ADK: variants seen among roughly 807,000 people sequenced by gnomAD.
ADK encodes the protein adenosine kinase.
ADK carries 24 observed loss-of-function variants against 44.7 expected under a neutral mutation model. The ratio of observed to expected loss-of-function variants is 0.54; its 90% confidence interval spans 0.39 to 0.76. The LOEUF (loss-of-function observed/expected upper bound fraction) is 0.76, where lower values mean the gene tolerates loss of function less well. Among genes scored for constraint, ADK ranks in the 30% least tolerant of loss-of-function variants. ADK has a pLI of 0.00. For missense variants in ADK, 321 were observed against 425.1 expected (o/e 0.76, Z 2.15); for synonymous variants, 128 against 142.6 (o/e 0.90, Z 0.73).
intron 1 of ADK, among the ~76,000 whole-genome samples, chr10:74,178,452 C>A (rs1321801168): frequency 1.3e-5 from 2 of 152,130 alleles, no homozygotes; most frequent in Non-Finnish European, 2.9e-5. Flanking sequence ...CTTCCCATTC[C>A]CACTCTTATT....
At chr10:74,566,316 C>T (rs1850667517) in intron 7 of ADK, among the ~76,000 whole-genome samples, 1 of 150,624 alleles carries the variant, frequency 6.6e-6, no homozygotes, top group Non-Finnish European at 1.5e-5. Flanking sequence ...AAGTAATCCT[C>T]CCACCTCAGC....
chr10:74,553,416 G>T (rs534383541), intron 7 of ADK, among the ~76,000 whole-genome samples: 1 of 151,870 alleles, frequency 6.6e-6, no homozygotes, highest in Non-Finnish European at 1.5e-5. Flanking sequence ...GGCCAGGATG[G>T]TCTCGATCTC....
chr10:74,310,188 G>A (rs1326713223), intron 3 of ADK, among the ~76,000 whole-genome samples: 1 of 152,020 alleles, frequency 6.6e-6, no homozygotes, highest in Non-Finnish European at 1.5e-5. Flanking sequence ...GAGAAAGTAA[G>A]AAGGAATCTA....
At position 74,347,106 on chromosome 10, in the gene ADK, C is replaced by CAAAAAA. The variant is rs58074760; in HGVS notation, c.273+32392_273+32397dup. On this transcript the variant is annotated intron_variant, in intron 4 of 10. Coordinates refer to ENST00000539909, the MANE Select transcript of ADK (RefSeq NM_006721.4). ...TGGGCGACAGAGCGACACTCTGTCT[C>CAAAAAA]AAAAAAAAAAAAAAAAAAAAAAAAA... Among the ~76,000 whole-genome samples, 27 of 92,298 alleles carry CAAAAAA rather than the reference C, an allele frequency of 2.9e-4. 1 individual carries two copies. The highest frequency in any genetic ancestry group is 1.6e-3 in the African/African-American group (23 of 14,574). 60.6% of individuals were successfully genotyped at this position (92,298 alleles called of 152,430 possible).
chr10:74,620,865 G>T lies in ADK; in HGVS notation c.877+20372G>T, dbSNP rs368180182. 1.1e-4 allele frequency among the ~76,000 whole-genome samples: 17 copies of T among 151,976 alleles called. No individual in the cohort carries two copies. The East Asian group carries it at 1.9e-3, about 17-fold the overall frequency. On this transcript the variant is annotated intron_variant, in intron 9 of 10. Coordinates refer to ENST00000539909, the MANE Select transcript of ADK (RefSeq NM_006721.4). ...TGAGAAATGCCTGTTCAGGTCATTTGCCCTTTTTTAAAACAGAGTAGAGTT... is the reference window on the plus strand; with the variant it reads ...TGAGAAATGCCTGTTCAGGTCATTTTCCCTTTTTTAAAACAGAGTAGAGTT...
intron 7 of ADK, among the ~76,000 whole-genome samples, chr10:74,549,821 G>T (rs567256900): frequency 6.6e-6 from 1 of 152,100 alleles, no homozygotes; most frequent in African/African-American, 2.4e-5. Flanking sequence ...ATACACAGGC[G>T]TTAATTATTG....
At chr10:74,420,536 TA>T (rs1300116058) in intron 6 of ADK, among the ~76,000 whole-genome samples, 12 of 152,170 alleles carry the variant, frequency 7.9e-5, no homozygotes, top group Non-Finnish European at 1.8e-4. Context: ...AAATTCAAAA[TA>T]TTTTTATGAC....
At position 74,674,738 on chromosome 10, in the gene ADK, C is replaced by T. The variant is rs746027642; in HGVS notation, c.964+4469C>T. The stretch of plus-strand genomic sequence containing the variant: ...CTCTACTAAAAATAGAAAAATTAGC[C>T]GGGCATGGCGTTGCATGCCTGAAGT... On this transcript the variant is annotated intron_variant, in intron 10 of 10. Coordinates refer to ENST00000539909, the MANE Select transcript of ADK (RefSeq NM_006721.4). Among the ~76,000 whole-genome samples the T allele has an allele frequency of 5.9e-5, 9 of 152,062 alleles. No homozygotes were observed. The South Asian group carries it at 6.2e-4, about 11-fold the overall frequency.
chr10:74,187,900 G>A (rs1334357630), intron 1 of ADK, among the ~76,000 whole-genome samples: 1 of 152,078 alleles, frequency 6.6e-6, no homozygotes, highest in Non-Finnish European at 1.5e-5. Context: ...TTATGTCAAT[G>A]CCACACTGTC....
chr10:74,633,776 G>A (rs1853522421), intron 9 of ADK, among the ~76,000 whole-genome samples: 1 of 152,190 alleles, frequency 6.6e-6, no homozygotes, highest in Admixed American at 6.5e-5. Flanking sequence ...GGAGGAGAAT[G>A]GCCTTGAGTA....
intron 6 of ADK, among the ~76,000 whole-genome samples, chr10:74,462,677 C>A (rs1846213419): frequency 6.6e-6 from 1 of 152,154 alleles, no homozygotes; most frequent in Non-Finnish European, 1.5e-5. Context: ...TACTTTAACT[C>A]ATATTTGCTG....
intron 3 of ADK, among the ~76,000 whole-genome samples, chr10:74,292,884 C>T (rs1839670409): frequency 6.6e-6 from 1 of 152,108 alleles, no homozygotes; most frequent in African/African-American, 2.4e-5. Flanking sequence ...CCTTCAATAT[C>T]TTGTCAGCAC....
intron 3 of ADK, among the ~76,000 whole-genome samples, chr10:74,229,391 CTTTTTTTTT>C (rs371346131): frequency 9.3e-5 from 9 of 97,240 alleles, no homozygotes; most frequent in African/African-American, 3.0e-4. Context: ...ATCTGGTATG[CTTTTTTTTT>C]TTTTTTTTTT....
intron 1 of ADK, among the ~76,000 whole-genome samples, chr10:74,163,218 G>A (rs1841951484): frequency 6.6e-6 from 1 of 152,200 alleles, no homozygotes; most frequent in South Asian, 2.1e-4. Context: ...CATCCGCCTC[G>A]GCCTCCCAAA....
At chr10:74,696,428 C>T (rs896337029) in intron 10 of ADK, among the ~76,000 whole-genome samples, 6 of 151,676 alleles carry the variant, frequency 4.0e-5, no homozygotes, top group Admixed American at 2.6e-4. Flanking sequence ...TTCAGTGGCC[C>T]GATCTCGGCT....
chr10:74,596,765 T>G (rs1851939956), intron 8 of ADK, among the ~76,000 whole-genome samples: 1 of 152,168 alleles, frequency 6.6e-6, no homozygotes, highest in African/African-American at 2.4e-5. Flanking sequence ...CAGGCTAGTC[T>G]CAAACTCCTA....
At chr10:74,577,032 T>A (rs542317804) in intron 7 of ADK, among the ~76,000 whole-genome samples, 1 of 152,078 alleles carries the variant, frequency 6.6e-6, no homozygotes, top group Admixed American at 6.6e-5. Context: ...CTTTTCCATA[T>A]AGCAGTGGTA....
intron 9 of ADK, among the ~76,000 whole-genome samples, chr10:74,629,411 A>G (rs1282251484): frequency 6.6e-6 from 1 of 152,212 alleles, no homozygotes; most frequent in East Asian, 1.9e-4. Flanking sequence ...GACCCAAGAA[A>G]GATATGAGCA....
intron 10 of ADK, among the ~76,000 whole-genome samples, chr10:74,679,664 AAAG>A (rs1298412023): frequency 3.9e-5 from 6 of 152,036 alleles, no homozygotes; most frequent in Non-Finnish European, 8.8e-5. Context: ...TTCTTCATAT[AAAG>A]AAGATGAGTA....
Sources: gnomAD v4.1 joint callset for allele counts (sites outside exome capture counted in the v4.1 genomes callset) on GRCh38, gnomAD v4.1.1 for gene constraint, MANE v1.5 for transcripts, NCBI Gene and HGNC (gene_info 2026-07-23, HGNC 2026-07-21) for gene names.